Variants in NAV2 observed in about 807,000 individuals in gnomAD.
The protein encoded by NAV2 is helicase, APC down-regulated 1.
Under a neutral mutation model 223.2 loss-of-function variants are expected in NAV2, and 54 were observed. The ratio of observed to expected loss-of-function variants is 0.24; its 90% CI spans 0.19 to 0.30. NAV2 has a LOEUF of 0.30. Among genes scored for constraint, NAV2 ranks in the 10% least tolerant of loss-of-function variants. NAV2 has a pLI of 1.00. For missense variants in NAV2, 2,806 were observed against 3,147.5 expected (o/e 0.89, Z 2.60); for synonymous variants, 1,279 against 1,239.3 (o/e 1.03, Z -0.67).
intron 1 of NAV2, among the ~76,000 whole-genome samples, chr11:19,371,189 A>G (rs1004780000): frequency 6.6e-6 from 1 of 152,218 alleles, no homozygotes; most frequent in African/African-American, 2.4e-5. Flanking sequence ...AGAATTTTAC[A>G]TGCATTATTT....
chr11:19,358,209 G>A (rs1441114104), intron 1 of NAV2, among the ~76,000 whole-genome samples: 1 of 152,254 alleles, frequency 6.6e-6, no homozygotes, highest in East Asian at 1.9e-4. Flanking sequence ...GAGGAGATGC[G>A]GATGGCAGAG....
intron 1 of NAV2, among the ~76,000 whole-genome samples, chr11:19,590,529 G>A (rs1033873617): frequency 6.6e-6 from 1 of 152,096 alleles, no homozygotes; most frequent in East Asian, 1.9e-4. Context: ...GGTCCTTTTC[G>A]GTTGCTCCTT....
intron 5 of NAV2, among the ~76,000 whole-genome samples, chr11:19,887,158 G>C (rs1474772739): frequency 3.3e-5 from 5 of 152,150 alleles, no homozygotes; most frequent in Non-Finnish European, 5.9e-5. Flanking sequence ...TGGAGACCAA[G>C]CATTGGTGGA....
intron 26 of NAV2, among the ~76,000 whole-genome samples, chr11:20,090,285 G>T (rs764715889): frequency 6.6e-6 from 1 of 152,144 alleles, no homozygotes; most frequent in Non-Finnish European, 1.5e-5. Context: ...GTGGTGTCAT[G>T]GAAGCCCAGC....
chr11:19,668,189 A>G (rs931629506), intron 1 of NAV2, among the ~76,000 whole-genome samples: 1 of 152,198 alleles, frequency 6.6e-6, no homozygotes, highest in Non-Finnish European at 1.5e-5. Context: ...TGGTCCCATG[A>G]CATATAAGAT....
At chr11:19,753,932 T>TG (rs2152509904) in intron 1 of NAV2, among the ~76,000 whole-genome samples, 1 of 152,274 alleles carries the variant, frequency 6.6e-6, no homozygotes, top group Non-Finnish European at 1.5e-5. Flanking sequence ...GAAAGCTTGG[T>TG]GGGTGGAGGT....
At chr11:19,570,291 A>T (rs140594366) in intron 1 of NAV2, among the ~76,000 whole-genome samples, 92 of 152,342 alleles carry the variant, frequency 6.0e-4, no homozygotes, top group African/African-American at 2.1e-3. Context: ...AATGGTGATG[A>T]TGATGGAATT....
At chr11:19,993,341 AAG>A (rs780714307) in intron 11 of NAV2, among the ~76,000 whole-genome samples, 8 of 152,230 alleles carry the variant, frequency 5.3e-5, no homozygotes, top group African/African-American at 1.2e-4. Flanking sequence ...TGCAAGAAGA[AAG>A]AGAGCATGGT....
chr11:19,782,563 C>A (rs2056825538), intron 1 of NAV2, among the ~76,000 whole-genome samples: 1 of 152,240 alleles, frequency 6.6e-6, no homozygotes, highest in South Asian at 2.1e-4. Flanking sequence ...GTAATGCCAG[C>A]CACCCAGAAG....
At chr11:20,062,944 C>T (rs1343654057) in intron 20 of NAV2, among the ~76,000 whole-genome samples, 1 of 152,204 alleles carries the variant, frequency 6.6e-6, no homozygotes, top group Non-Finnish European at 1.5e-5. Flanking sequence ...CCACCCACCT[C>T]GGCCTCCCAA....
chr11:19,666,182 A>G (rs1175690161), intron 1 of NAV2, among the ~76,000 whole-genome samples: 2 of 152,236 alleles, frequency 1.3e-5, no homozygotes, highest in Admixed American at 1.3e-4. Flanking sequence ...CGTTAAAATC[A>G]CGTGCTCTTC....
At chr11:19,945,319 C>T (rs890924812) in intron 8 of NAV2, among the ~76,000 whole-genome samples, 1 of 147,892 alleles carries the variant, frequency 6.8e-6, no homozygotes, top group Non-Finnish European at 1.5e-5. Context: ...TTTCTTTCCT[C>T]CTTTCCTTCT....
intron 20 of NAV2, among the ~76,000 whole-genome samples, chr11:20,064,434 C>T (rs1475544210): frequency 3.3e-5 from 5 of 152,158 alleles, no homozygotes; most frequent in South Asian, 4.1e-4. Context: ...TGCCCAGCCC[C>T]GTGTTTTCCC....
chr11:19,750,405 G>A lies in NAV2; in HGVS notation c.267+36443G>A, dbSNP rs117380107. On this transcript the variant is annotated intron_variant, in intron 1 of 37. Coordinates refer to ENST00000349880, the MANE Select transcript of NAV2 (RefSeq NM_145117.5). ...TTTTCTCCCCAGGTATTTTTCTGTC[G>A]TTCCCTTGACCTTTCAAACAATGCT... Among the ~76,000 whole-genome samples, 225 of 152,148 alleles carry A rather than the reference G, an allele frequency of 1.5e-3. 2 individuals are homozygous for A. The East Asian group carries it at 0.039, about 26-fold the overall frequency.
intron 1 of NAV2, among the ~76,000 whole-genome samples, chr11:19,639,497 A>G (rs2047599610): frequency 6.6e-6 from 1 of 152,238 alleles, no homozygotes. Flanking sequence ...TTTTAGCAAC[A>G]AAGGATGTAT....
chr11:19,637,688 T>C lies in NAV2; in HGVS notation c.76-194796T>C, dbSNP rs191611015. Among the ~76,000 whole-genome samples, 14 of 152,294 alleles carry C rather than the reference T, an allele frequency of 9.2e-5. No homozygotes were observed. In the East Asian group the frequency reaches 2.7e-3, roughly 29 times the overall value. ...AGAATTGGAGCAAGGGGGTGGAGGA[T>C]GTCACACACTTAAACGACCAGATCT... On this transcript the variant is annotated intron_variant, in intron 1 of 37. Coordinates refer to the NAV2 transcript ENST00000360655.
At chr11:19,978,419 T>A (rs910830655) in intron 10 of NAV2, among the ~76,000 whole-genome samples, 1 of 152,140 alleles carries the variant, frequency 6.6e-6, no homozygotes, top group Non-Finnish European at 1.5e-5. Context: ...CCCCATTAGT[T>A]TTTTCAATCT....
intron 26 of NAV2, among the ~76,000 whole-genome samples, chr11:20,089,179 T>A (rs924275369): frequency 6.6e-6 from 1 of 152,196 alleles, no homozygotes; most frequent in African/African-American, 2.4e-5. Context: ...ATGGAAATAA[T>A]TAGATCATTT....
intron 1 of NAV2, among the ~76,000 whole-genome samples, chr11:19,666,710 G>A (rs2048420295): frequency 6.6e-6 from 1 of 152,050 alleles, no homozygotes; most frequent in Non-Finnish European, 1.5e-5. Flanking sequence ...CATACATGTT[G>A]CCCTTGAATG....
Sources: gnomAD v4.1 joint callset for allele counts (sites outside exome capture counted in the v4.1 genomes callset) on GRCh38, gnomAD v4.1.1 for gene constraint, MANE v1.5 for transcripts, NCBI Gene and HGNC (gene_info 2026-07-23, HGNC 2026-07-21) for gene names.